Variants in PHIP observed in about 807,000 individuals in gnomAD.
The protein encoded by PHIP is PHIP subunit of CUL4-Ring ligase complex, also known as PH-interacting protein.
In PHIP, 54 loss-of-function variants were observed where a neutral mutation model predicts 236.8. The ratio of observed to expected loss-of-function variants is 0.23; its 90% CI spans 0.18 to 0.29. PHIP has a LOEUF of 0.29. Among genes scored for constraint, PHIP ranks in the 10% least tolerant of loss-of-function variants. The pLI, the probability that PHIP is intolerant of heterozygous loss-of-function variation, is 1.00. For missense variants in PHIP, 1,370 were observed against 2,190.8 expected (o/e 0.63, Z 7.48); for synonymous variants, 756 against 718.9 (o/e 1.05, Z -0.83).
chr6:78,969,968 A>G (rs765651879), intron 26 of PHIP, 51 bp from the exon 27 acceptor site: 2 of 1,578,820 alleles, frequency 1.3e-6, no homozygotes, highest in Admixed American at 3.4e-5. Context: ...AAAAATACCT[A>G]AAAGATGTTC....
Position 79,060,575 on chromosome 6 carries a change from G to A in PHIP, c.342C>T (p.Ser114=), listed in dbSNP as rs1773320649. ...GRQSLLRTNK[S]CKHVVWKGSA... ...ATCCTTTCCACACAACATGCTTGCA[G>A]CCTATTAAACACATGTATTTTTATG... The change falls in exon 6 of 40, where the codon AGC becomes AGT. Residue 114 remains serine, a splice_region_variant and synonymous_variant. Coordinates refer to ENST00000275034, the MANE Select transcript of PHIP (RefSeq NM_017934.7). 2 of 1,613,362 alleles carry A rather than the reference G, an allele frequency of 1.2e-6. No individual in the cohort carries two copies. Among genetic ancestry groups the A allele is most frequent in the Non-Finnish European group, 1.7e-6 (2 of 1,179,578 alleles).
At chr6:79,054,113 TAA>T (rs571416958) in intron 6 of PHIP, among the ~76,000 whole-genome samples, 7 of 131,190 alleles carry the variant, frequency 5.3e-5, no homozygotes, top group Admixed American at 7.7e-5. Flanking sequence ...ATTATTTCCC[TAA>T]AAAAAAAAAA....
intron 4 of PHIP, among the ~76,000 whole-genome samples, chr6:79,069,491 T>C (rs1320815863): frequency 6.6e-6 from 1 of 152,032 alleles, no homozygotes; most frequent in Non-Finnish European, 1.5e-5. Flanking sequence ...CCCTATTTCA[T>C]ACATAAAGAA....
At chr6:78,976,211 A>T (rs1342715381) in intron 24 of PHIP, among the ~76,000 whole-genome samples, 1 of 149,576 alleles carries the variant, frequency 6.7e-6, no homozygotes, top group East Asian at 2.0e-4. Context: ...AGCCCTCAGA[A>T]ATAACGCCGC....
chr6:78,955,527 C>A, intron 33 of PHIP, 86 bp downstream of exon 33: 1 of 574,644 alleles, frequency 1.7e-6, no homozygotes, highest in East Asian at 3.1e-5. Flanking sequence ...ATAATGTTCA[C>A]AACAGCTTTT....
Position 79,003,895 on chromosome 6 carries a change from T to G in PHIP, c.1525-37A>C, listed in dbSNP as rs73464147. 3.4e-3 allele frequency: 4,988 copies of G among 1,450,726 alleles called. 148 individuals carry two copies. The African/African-American group carries it at 0.06, about 17-fold the overall frequency. 89.9% of individuals were successfully genotyped at this position (1,450,726 alleles called of 1,614,324 possible). On this transcript the variant is annotated intron_variant, in intron 15 of 39. Transcript: ENST00000275034. ...TTAACCAACAGTAAGAAAACTACCA[T>G]TAAAATGAAAAGAATTGGTCACTAT... is the stretch of plus-strand genomic sequence containing the variant.
Position 79,026,114 on chromosome 6 carries a change from C to T in PHIP, c.651G>A (p.Leu217=), listed in dbSNP as rs1771387602. 1.9e-6 allele frequency: 3 copies of T among 1,614,074 alleles called. No individual in the cohort carries two copies. The highest frequency in any genetic ancestry group is 2.5e-6 in the Non-Finnish European group (3 of 1,179,942). ...CAGCATGTCCTCTTAAGGTAGCTAA[C>T]AACCTCCCATCATCTGTTGCCCATA... is the stretch of plus-strand genomic sequence containing the variant. ...VKIWATDDGR[L]LATLRGHAAE... The change falls in exon 8 of 40, where the codon TTG becomes TTA. Residue 217 remains leucine (L), a synonymous_variant. Transcript: ENST00000275034.
chr6:79,041,350 T>TA (rs1772202426), intron 7 of PHIP, among the ~76,000 whole-genome samples: 2 of 152,004 alleles, frequency 1.3e-5, no homozygotes, highest in Admixed American at 6.6e-5. Flanking sequence ...GCATTCTCCC[T>TA]AAAAAAATTC....
At chr6:79,028,397 C>A (rs1241764894) in intron 7 of PHIP, among the ~76,000 whole-genome samples, 1 of 151,812 alleles carries the variant, frequency 6.6e-6, no homozygotes, top group Non-Finnish European at 1.5e-5. Flanking sequence ...AGTGGTAACA[C>A]AAATTATTAT....
At chr6:78,965,253 C>G (rs1767054300) in intron 29 of PHIP, among the ~76,000 whole-genome samples, 1 of 152,088 alleles carries the variant, frequency 6.6e-6, no homozygotes, top group Admixed American at 6.6e-5. Context: ...GTTTCTAAGG[C>G]CGAGTACTAA....
chr6:78,958,275 T>C lies in PHIP; in HGVS notation c.3782+200A>G, dbSNP rs979415361. ...ATTTTTATGATTTCATTCTTATTAT[T>C]AGCCAATGAACTGTTTCTTCTGAAA... On this transcript the variant is annotated intron_variant, in intron 32 of 39. Transcript: ENST00000275034. 10 of 406,646 alleles carry C rather than the reference T, an allele frequency of 2.5e-5. No homozygotes were observed. The South Asian group carries it at 6.6e-4, about 27-fold the overall frequency. 25.2% of individuals were successfully genotyped at this position (406,646 alleles called of 1,614,324 possible). A position where few individuals can be genotyped will look rare whatever the true frequency, so the allele number is the denominator to read the frequency against.
rs1773248249 is a variant in PHIP at position 78,935,601 on chromosome 6, G to A, written c.*5092C>T. 3 of 976,986 alleles carry A rather than the reference G, an allele frequency of 3.1e-6. No individual in the cohort carries two copies. The highest frequency in any genetic ancestry group is 4.7e-5 in the South Asian group (1 of 21,112). The allele number at this position is 976,986 out of a possible 1,614,324, so 60.5% of individuals were successfully genotyped here. ...AATCAATAAAATTGTTTTATTAAAT[G>A]TACACATAAAAAGGCATATAAGTTT... is the stretch of plus-strand genomic sequence containing the variant. On this transcript the variant is annotated 3_prime_UTR_variant, in exon 40 of 40. Transcript: ENST00000275034.
chr6:79,020,467 T>G (rs1771062440), intron 9 of PHIP, among the ~76,000 whole-genome samples: 1 of 152,184 alleles, frequency 6.6e-6, no homozygotes, highest in South Asian at 2.1e-4. Context: ...AACTGTAATT[T>G]AAGTAAATTA....
intron 31 of PHIP, among the ~76,000 whole-genome samples, chr6:78,960,927 GTAA>G (rs1197428751): frequency 1.3e-5 from 2 of 152,098 alleles, no homozygotes; most frequent in Non-Finnish European, 2.9e-5. Context: ...AAGGACTTCA[GTAA>G]TAAATAACTG....
chr6:78,943,796 G>A (rs889755304), intron 39 of PHIP, among the ~76,000 whole-genome samples: 11 of 151,912 alleles, frequency 7.2e-5, no homozygotes, highest in South Asian at 6.2e-4. Flanking sequence ...AGACCAGCCT[G>A]GTCAAAATGG....
At chr6:79,072,636 A>C (rs1773945843) in intron 4 of PHIP, among the ~76,000 whole-genome samples, 1 of 151,774 alleles carries the variant, frequency 6.6e-6, no homozygotes, top group Non-Finnish European at 1.5e-5. Context: ...GGCATGCGCC[A>C]CTACACCTGG....
At position 78,947,791 on chromosome 6, in the gene PHIP, C is replaced by G; in HGVS notation, c.4054-16G>C. 6.3e-7 allele frequency: 1 copy of G among 1,587,030 alleles called. No individual in the cohort carries two copies. Among genetic ancestry groups the G allele is most frequent in the Non-Finnish European group, 8.6e-7 (1 of 1,160,514 alleles). On this transcript the variant is annotated splice_polypyrimidine_tract_variant and intron_variant, in intron 35 of 39. Coordinates refer to ENST00000275034, the MANE Select transcript of PHIP (RefSeq NM_017934.7). ...CTCTGTAGTCCTAGGAGAGGGAAAA[C>G]AGGTGGTGTTATGATTATTACTACA... is the stretch of plus-strand genomic sequence containing the variant.
intron 6 of PHIP, among the ~76,000 whole-genome samples, chr6:79,058,395 T>C (rs893126235): frequency 2.0e-5 from 3 of 152,156 alleles, no homozygotes; most frequent in African/African-American, 7.2e-5. Context: ...AATCTGACCA[T>C]CAACGACGTG....
chr6:79,056,809 G>C (rs905467010), intron 6 of PHIP, among the ~76,000 whole-genome samples: 8 of 152,132 alleles, frequency 5.3e-5, no homozygotes, highest in Non-Finnish European at 1.2e-4. Context: ...TGGGAGAGCA[G>C]AGGTCTTGTT....
Sources: gnomAD v4.1 joint callset for allele counts (sites outside exome capture counted in the v4.1 genomes callset) on GRCh38, gnomAD v4.1.1 for gene constraint, MANE v1.5 for transcripts, NCBI Gene and HGNC (gene_info 2026-07-23, HGNC 2026-07-21) for gene names.